Variants in BTBD9 observed in about 807,000 individuals in gnomAD.
The protein encoded by BTBD9 is BTB domain containing 9, also known as BTB/POZ domain-containing protein 9.
In BTBD9, 49 loss-of-function variants were observed where a neutral mutation model predicts 64.3. That is an observed-to-expected ratio of 0.76 (90% CI 0.61 to 0.97). BTBD9 has a LOEUF of 0.97. BTBD9 is among the 50% of genes least tolerant of loss of function. BTBD9 has a pLI of 0.00. For synonymous variants in BTBD9, 260 were observed against 274.7 expected (o/e 0.95, Z 0.53); for missense variants, 598 against 762.1 (o/e 0.78, Z 2.53).
At chr6:38,366,962 G>T (rs571656863) in intron 6 of BTBD9, among the ~76,000 whole-genome samples, 1 of 152,210 alleles carries the variant, frequency 6.6e-6, no homozygotes, top group African/African-American at 2.4e-5. Context: ...CCTGATCAAG[G>T]CTCCAGTTTT....
At chr6:38,375,622 C>T (rs1182651804) in intron 6 of BTBD9, among the ~76,000 whole-genome samples, 3 of 152,140 alleles carry the variant, frequency 2.0e-5, no homozygotes, top group Non-Finnish European at 4.4e-5. Context: ...TCTTTTCTTG[C>T]TCAGAGGAAT....
intron 7 of BTBD9, among the ~76,000 whole-genome samples, chr6:38,299,999 T>C (rs1285044374): frequency 2.0e-5 from 3 of 152,240 alleles, no homozygotes; most frequent in Non-Finnish European, 4.4e-5. Flanking sequence ...AGGTCTAACA[T>C]GTAAGTCTTT....
intron 9 of BTBD9, among the ~76,000 whole-genome samples, chr6:38,220,097 G>A (rs1763149672): frequency 6.6e-6 from 1 of 152,216 alleles, no homozygotes; most frequent in Admixed American, 6.5e-5. Flanking sequence ...TCTCTGGGCT[G>A]GTGGCAATGG....
Position 38,345,045 on chromosome 6 carries a change from G to GT in BTBD9, c.1202dup (p.His401GlnfsTer6). On this transcript the variant is annotated frameshift_variant, in exon 7 of 11. Coordinates refer to ENST00000481247, the MANE Select transcript of BTBD9 (RefSeq NM_001099272.2). LOFTEE classifies it high-confidence loss of function. ...TAAACATACATTCAAAAGCCACAAT[G>GT]TGAAAAATCTTGTTCACTGTGTTGT... The GT allele has an allele frequency of 1.2e-6, 2 of 1,609,416 alleles. No homozygotes were observed. The highest frequency in any genetic ancestry group is 1.7e-6 in the Non-Finnish European group (2 of 1,176,894).
intron 6 of BTBD9, among the ~76,000 whole-genome samples, chr6:38,479,453 A>G (rs577062326): frequency 6.6e-6 from 1 of 152,352 alleles, no homozygotes; most frequent in Non-Finnish European, 1.5e-5. Context: ...GGTGGTGACT[A>G]TGTTAATGGT....
intron 7 of BTBD9, among the ~76,000 whole-genome samples, chr6:38,326,557 G>A (rs561656504): frequency 6.6e-6 from 1 of 152,240 alleles, no homozygotes; most frequent in African/African-American, 2.4e-5. Context: ...CGCTAGGGTG[G>A]CAGTAGCAGT....
chr6:38,557,739 C>A (rs964907052), intron 6 of BTBD9, among the ~76,000 whole-genome samples: 1 of 152,148 alleles, frequency 6.6e-6, no homozygotes, highest in Non-Finnish European at 1.5e-5. Context: ...CCCAAAAAAA[C>A]AGAGGTCCCA....
chr6:38,380,257 G>T (rs1765875073), intron 6 of BTBD9, among the ~76,000 whole-genome samples: 2 of 152,012 alleles, frequency 1.3e-5, no homozygotes, highest in South Asian at 4.1e-4. Flanking sequence ...AAAAATAAAA[G>T]AATTCATCAT....
intron 6 of BTBD9, among the ~76,000 whole-genome samples, chr6:38,378,087 C>T (rs946693680): frequency 1.3e-5 from 2 of 152,058 alleles, no homozygotes; most frequent in Non-Finnish European, 2.9e-5. Context: ...GGCTCCGCCC[C>T]GTCCTCCCAG....
chr6:38,542,029 A>G (rs966077394), intron 6 of BTBD9, among the ~76,000 whole-genome samples: 2 of 152,224 alleles, frequency 1.3e-5, no homozygotes, highest in African/African-American at 4.8e-5. Flanking sequence ...GAGAGATCAG[A>G]GATGGTTATC....
At chr6:38,261,457 C>T (rs1337138306) in intron 8 of BTBD9, among the ~76,000 whole-genome samples, 1 of 152,074 alleles carries the variant, frequency 6.6e-6, no homozygotes, top group African/African-American at 2.4e-5. Context: ...TGCATCATCA[C>T]CAATATTATA....
intron 2 of BTBD9, chr6:38,595,786 A>G (rs919209572): frequency 2.0e-6 from 2 of 985,174 alleles, no homozygotes; most frequent in African/African-American, 1.7e-5. Context: ...ACTGGGTTAT[A>G]CTCTGCCTAA....
intron 6 of BTBD9, among the ~76,000 whole-genome samples, chr6:38,465,384 G>A (rs1004833386): frequency 1.1e-4 from 16 of 150,070 alleles, no homozygotes; most frequent in Non-Finnish European, 1.9e-4. Flanking sequence ...TTGGGAGGCC[G>A]AGGCAGGCAG....
chr6:38,590,317 T>C (rs1006874768), intron 4 of BTBD9, among the ~76,000 whole-genome samples: 1 of 152,238 alleles, frequency 6.6e-6, no homozygotes, highest in Non-Finnish European at 1.5e-5. Flanking sequence ...TTGCACACAT[T>C]ATTTTAATTA....
At chr6:38,277,995 A>G (rs1761346740) in intron 8 of BTBD9, among the ~76,000 whole-genome samples, 1 of 152,234 alleles carries the variant, frequency 6.6e-6, no homozygotes, top group Non-Finnish European at 1.5e-5. Context: ...ACCGTATGAC[A>G]TAGTTCTACC....
chr6:38,571,223 G>A (rs903678897), intron 6 of BTBD9, among the ~76,000 whole-genome samples: 2 of 152,186 alleles, frequency 1.3e-5, no homozygotes, highest in African/African-American at 4.8e-5. Context: ...GGATTCTAAA[G>A]CAATCTAGTG....
Position 38,187,746 on chromosome 6 carries a change from T to C in BTBD9, c.1641+4773A>G, listed in dbSNP as rs181183152. Among the ~76,000 whole-genome samples the C allele has an allele frequency of 1.5e-4, 23 of 152,082 alleles. No individual in the cohort carries two copies. In the East Asian group the frequency reaches 4.1e-3, roughly 27 times the overall value. On this transcript the variant is annotated intron_variant, in intron 10 of 10. Transcript: ENST00000481247. Reference sequence around the variant, plus strand: ...TGGTGGAGTCTTTAACAGGTAAGCATTGGGGGAATTTACTGACAGAAGTCA... The same window carrying C: ...TGGTGGAGTCTTTAACAGGTAAGCACTGGGGGAATTTACTGACAGAAGTCA...
intron 6 of BTBD9, among the ~76,000 whole-genome samples, chr6:38,477,841 C>A (rs1009399566): frequency 2.6e-5 from 4 of 152,176 alleles, no homozygotes; most frequent in African/African-American, 9.7e-5. Context: ...AACGATGCCA[C>A]GAACACATCA....
intron 10 of BTBD9, among the ~76,000 whole-genome samples, chr6:38,177,191 C>G (rs1761306565): frequency 6.6e-6 from 1 of 152,208 alleles, no homozygotes; most frequent in Admixed American, 6.5e-5. Flanking sequence ...TCCCCAGAGC[C>G]TCAGGCTGAC....
Sources: allele counts gnomAD v4.1 joint callset (sites outside exome capture counted in the v4.1 genomes callset), GRCh38; gene constraint gnomAD v4.1.1; transcripts MANE v1.5; gene names NCBI Gene and HGNC (gene_info 2026-07-23, HGNC 2026-07-21).